The following RANBP17 variants were observed in gnomAD, a reference collection of about 807,000 sequenced individuals.
RANBP17 encodes RAN binding protein 17.
In RANBP17, 158 loss-of-function variants were observed where a neutral mutation model predicts 141.2. The observed-to-expected ratio is 1.12, with a 90% CI of 0.98 to 1.28. The LOEUF is 1.28. RANBP17 is among the 50% of genes most tolerant of loss of function. The pLI, the probability that RANBP17 is intolerant of heterozygous loss-of-function variation, is 0.00. For synonymous variants in RANBP17, 430 were observed against 450.0 expected (o/e 0.96, Z 0.56); for missense variants, 1,438 against 1,290.7 (o/e 1.11, Z -1.75).
intron 9 of RANBP17, among the ~76,000 whole-genome samples, chr5:170,917,771 C>T (rs2127434003): frequency 6.6e-6 from 1 of 152,142 alleles, no homozygotes; most frequent in South Asian, 2.1e-4. Flanking sequence ...TATGCCGATT[C>T]CTGATAATTT....
chr5:171,118,396 A>G (rs905427362), intron 14 of RANBP17, among the ~76,000 whole-genome samples: 1 of 152,074 alleles, frequency 6.6e-6, no homozygotes, highest in East Asian at 1.9e-4. Flanking sequence ...TTGTGCTTCT[A>G]TACGACTTTT....
intron 3 of RANBP17, among the ~76,000 whole-genome samples, chr5:170,888,665 C>T (rs1169210272): frequency 6.6e-6 from 1 of 151,976 alleles, no homozygotes; most frequent in African/African-American, 2.4e-5. Flanking sequence ...ACTTTTAGTT[C>T]TTCTTTCTTA....
At chr5:171,297,846 C>CTTTTTT (rs71310040) in intron 27 of RANBP17, among the ~76,000 whole-genome samples, 4 of 67,472 alleles carry the variant, frequency 5.9e-5, no homozygotes, top group Admixed American at 1.9e-4. Context: ...CCAATAAATT[C>CTTTTTT]TTTTTTTTTT....
intron 14 of RANBP17, among the ~76,000 whole-genome samples, chr5:171,101,125 C>G (rs1232893754): frequency 6.6e-6 from 1 of 152,086 alleles, no homozygotes; most frequent in African/African-American, 2.4e-5. Context: ...TCTGCATGGT[C>G]CAGAGCTGAG....
At chr5:170,887,094 T>G (rs1312209208) in intron 3 of RANBP17, among the ~76,000 whole-genome samples, 1 of 152,150 alleles carries the variant, frequency 6.6e-6, no homozygotes, top group Admixed American at 6.5e-5. Context: ...TTACCTTCTT[T>G]GGAAAGGTGT....
chr5:170,975,679 A>G (rs371952341), intron 14 of RANBP17, among the ~76,000 whole-genome samples: 154 of 152,284 alleles, frequency 1.0e-3, no homozygotes, highest in African/African-American at 3.6e-3. Context: ...CCCCCTTATA[A>G]TTCTCTCCCA....
At chr5:171,257,173 C>G (rs1476660020) in intron 24 of RANBP17, among the ~76,000 whole-genome samples, 2 of 152,090 alleles carry the variant, frequency 1.3e-5, no homozygotes, top group Non-Finnish European at 2.9e-5. Flanking sequence ...CAAATGCTAG[C>G]AAATCAAATC....
chr5:171,004,639 G>A (rs1024484139), intron 14 of RANBP17, among the ~76,000 whole-genome samples: 1 of 152,164 alleles, frequency 6.6e-6, no homozygotes, highest in East Asian at 1.9e-4. Flanking sequence ...AAGGCGATGG[G>A]CAGCATCAGT....
intron 14 of RANBP17, among the ~76,000 whole-genome samples, chr5:171,010,234 G>A (rs1293494452): frequency 6.6e-6 from 1 of 152,170 alleles, no homozygotes; most frequent in East Asian, 1.9e-4. Flanking sequence ...ATGGACTTTA[G>A]AGTTCCCACC....
At chr5:171,072,759 A>G (rs1366383918) in intron 14 of RANBP17, among the ~76,000 whole-genome samples, 3 of 152,186 alleles carry the variant, frequency 2.0e-5, no homozygotes, top group South Asian at 2.1e-4. Context: ...AAATGTATTG[A>G]AAACTTTTGT....
At chr5:171,134,452 C>T (rs1011794654) in intron 14 of RANBP17, among the ~76,000 whole-genome samples, 1 of 152,112 alleles carries the variant, frequency 6.6e-6, no homozygotes, top group Non-Finnish European at 1.5e-5. Flanking sequence ...TAATGGTTGG[C>T]ATAGTCAAAG....
intron 8 of RANBP17, among the ~76,000 whole-genome samples, chr5:170,915,103 G>A (rs973649941): frequency 6.6e-6 from 1 of 152,066 alleles, no homozygotes; most frequent in African/African-American, 2.4e-5. Flanking sequence ...TGGGGCCACA[G>A]CCTTCTGTCT....
chr5:170,963,790 C>T (rs1316267482), intron 13 of RANBP17, among the ~76,000 whole-genome samples: 1 of 152,188 alleles, frequency 6.6e-6, no homozygotes, highest in East Asian at 1.9e-4. Flanking sequence ...TACCGGTCTG[C>T]AGCCCAGGGT....
intron 14 of RANBP17, among the ~76,000 whole-genome samples, chr5:171,077,212 C>G (rs976116502): frequency 6.6e-6 from 1 of 151,922 alleles, no homozygotes; most frequent in East Asian, 1.9e-4. Flanking sequence ...TGGTGGCGGG[C>G]GCCTGTAGTC....
intron 14 of RANBP17, among the ~76,000 whole-genome samples, chr5:170,988,913 C>T (rs1055252534): frequency 2.0e-5 from 3 of 151,724 alleles, no homozygotes; most frequent in African/African-American, 7.2e-5. Flanking sequence ...CTACTGGCAA[C>T]CAGTTTGTAA....
At position 170,871,697 on chromosome 5, in the gene RANBP17, A is replaced by G. The variant is rs374835038; in HGVS notation, c.19-6400A>G. ...ATCCATCTTGAGTTAATTTTTGTAT[A>G]AAATGTAAGAAAGGGGCCCAGTTAC... On this transcript the variant is annotated intron_variant, in intron 1 of 27. Transcript: ENST00000523189. Among the ~76,000 whole-genome samples the G allele has an allele frequency of 1.3e-3, 198 of 152,286 alleles. 1 individual carries two copies. The highest frequency in any genetic ancestry group is 4.6e-3 in the African/African-American group (193 of 41,552).
chr5:171,041,133 G>A (rs1372198055), intron 14 of RANBP17, among the ~76,000 whole-genome samples: 1 of 152,156 alleles, frequency 6.6e-6, no homozygotes, highest in East Asian at 1.9e-4. Flanking sequence ...CCATAGGGCT[G>A]CTTGATTGTC....
chr5:171,221,787 C>T lies in RANBP17; in HGVS notation c.2369C>T (p.Ser790Phe). The change falls in exon 22 of 28, where the codon TCT becomes TTT. Residue 790 changes from serine to phenylalanine, a missense_variant. Coordinates refer to ENST00000523189, the MANE Select transcript of RANBP17 (RefSeq NM_022897.5). ...RSQRLNFDVSSPNGILLFREA... is the reference protein window; with the variant it reads ...RSQRLNFDVSFPNGILLFREA... ...CAGCGTTTGAATTTTGATGTATCAT[C>T]TCCTAATGGAATTCTTCTCTTCAGA... The T allele has an allele frequency of 6.2e-7, 1 of 1,611,292 alleles. No individual in the cohort carries two copies. The highest frequency in any genetic ancestry group is 8.5e-7 in the Non-Finnish European group (1 of 1,178,006).
At chr5:171,208,095 G>T (rs975304678) in intron 20 of RANBP17, among the ~76,000 whole-genome samples, 1 of 152,156 alleles carries the variant, frequency 6.6e-6, no homozygotes, top group African/African-American at 2.4e-5. Flanking sequence ...CCACATAAAT[G>T]TGTGTTCTTT....
Sources: gnomAD v4.1 joint callset for allele counts (sites outside exome capture counted in the v4.1 genomes callset) on GRCh38, gnomAD v4.1.1 for gene constraint, MANE v1.5 for transcripts, NCBI Gene and HGNC (gene_info 2026-07-23, HGNC 2026-07-21) for gene names.